PLXNA4: variants seen among roughly 807,000 people sequenced by gnomAD.
The protein encoded by PLXNA4 is plexin A4.
In PLXNA4, 44 loss-of-function variants were observed where a neutral mutation model predicts 191.8. That is an observed-to-expected ratio of 0.23 (90% CI 0.18 to 0.29). The LOEUF (loss-of-function observed/expected upper bound fraction) is 0.29, where lower values mean the gene tolerates loss of function less well. PLXNA4 is among the 10% of genes least tolerant of loss of function. PLXNA4 has a pLI of 1.00. For missense variants in PLXNA4, 1,800 were observed against 2,488.8 expected, an observed-to-expected ratio of 0.72 and a Z score of 5.89; for synonymous variants, 1,082 against 1,009.5, an observed-to-expected ratio of 1.07 and a Z score of -1.36.
chr7:132,339,090 C>T (rs1256827898), intron 3 of PLXNA4, among the ~76,000 whole-genome samples: 1 of 152,168 alleles, frequency 6.6e-6, no homozygotes, highest in East Asian at 1.9e-4. Flanking sequence ...GAGAAGGTCC[C>T]CACAAGGTCT....
chr7:132,350,605 CGCTGGGATGG>C (rs1554420888), intron 3 of PLXNA4, among the ~76,000 whole-genome samples: 1 of 152,188 alleles, frequency 6.6e-6, no homozygotes, highest in Non-Finnish European at 1.5e-5. Flanking sequence ...ATTTCCCACC[CGCTGGGATGG>C]CTAGAGTAAA....
intron 24 of PLXNA4, 90 bp downstream of exon 24, chr7:132,164,052 G>A (rs910733887): frequency 6.4e-7 from 1 of 1,559,804 alleles, no homozygotes; most frequent in Admixed American, 1.8e-5. Flanking sequence ...CAGCTGTTCA[G>A]CCTTTCAGCC....
chr7:132,636,007 C>T (rs888695241), intron 2 of PLXNA4, among the ~76,000 whole-genome samples: 3 of 152,184 alleles, frequency 2.0e-5, no homozygotes, highest in Non-Finnish European at 4.4e-5. Context: ...GAAGCCCTCT[C>T]AACAGAACTC....
At chr7:132,426,261 G>T (rs989012821) in intron 3 of PLXNA4, among the ~76,000 whole-genome samples, 19 of 152,220 alleles carry the variant, frequency 1.2e-4, no homozygotes, top group Non-Finnish European at 2.2e-4. Flanking sequence ...ATGGCCCCCG[G>T]TGATGACCCA....
chr7:132,368,628 A>T (rs1371026892), intron 3 of PLXNA4, among the ~76,000 whole-genome samples: 1 of 152,172 alleles, frequency 6.6e-6, no homozygotes, highest in Non-Finnish European at 1.5e-5. Flanking sequence ...ATGGACACAC[A>T]GGTGTGGCGC....
In PLXNA4 at chr7:132,625,976, A is replaced by G. The variant is rs1803362455; in HGVS notation, c.-87+19952T>C. 3.3e-5 allele frequency among the ~76,000 whole-genome samples: 5 copies of G among 152,328 alleles called. No individual in the cohort carries two copies. The South Asian group carries it at 1.0e-3, about 32-fold the overall frequency. On this transcript the variant is annotated intron_variant, in intron 2 of 4. Transcript: ENST00000378539. Reference sequence around the variant, plus strand: ...AGAGAAAAGATCTGAGTAGTCTGAAATAGAAGCTTTAAGCAGGTCTTCTCC... The same window carrying G: ...AGAGAAAAGATCTGAGTAGTCTGAAGTAGAAGCTTTAAGCAGGTCTTCTCC...
At chr7:132,304,866 C>T (rs1193810855) in intron 3 of PLXNA4, among the ~76,000 whole-genome samples, 1 of 151,966 alleles carries the variant, frequency 6.6e-6, no homozygotes, top group Non-Finnish European at 1.5e-5. Flanking sequence ...GTGCAGTGTG[C>T]CCCATTGCCC....
intron 5 of PLXNA4, among the ~76,000 whole-genome samples, chr7:132,239,760 C>T (rs111952614): frequency 0.011 from 1,679 of 152,340 alleles, 14 homozygotes; most frequent in African/African-American, 0.031. Flanking sequence ...CCTTTCTATA[C>T]ACTTGAGTGC....
chr7:132,235,680 A>G (rs34437840), intron 5 of PLXNA4, among the ~76,000 whole-genome samples: 61,727 of 151,916 alleles, frequency 0.41, 13,112 homozygotes, highest in East Asian at 0.69. Context: ...GCCTGGGCCA[A>G]TCGATGCGGC....
At chr7:132,365,360 T>TGTGTGCACGC in intron 3 of PLXNA4, among the ~76,000 whole-genome samples, 1 of 128,742 alleles carries the variant, frequency 7.8e-6, no homozygotes, top group African/African-American at 3.0e-5. Flanking sequence ...TGTGTGTGTG[T>TGTGTGCACGC]GCGTGCGCGC....
chr7:132,553,130 G>A (rs973426035), intron 1 of PLXNA4, among the ~76,000 whole-genome samples: 2 of 152,144 alleles, frequency 1.3e-5, no homozygotes, highest in Admixed American at 6.5e-5. Flanking sequence ...GCTCTGGCAC[G>A]GCATCCACAC....
chr7:132,143,047 T>A (rs780143078), intron 29 of PLXNA4, among the ~76,000 whole-genome samples: 5 of 151,958 alleles, frequency 3.3e-5, no homozygotes, highest in Non-Finnish European at 5.9e-5. Context: ...TTGCAGCCAC[T>A]CAGGCTAAAT....
intron 3 of PLXNA4, among the ~76,000 whole-genome samples, chr7:132,402,721 G>C (rs558363198): frequency 1.1e-3 from 166 of 152,310 alleles, no homozygotes; most frequent in African/African-American, 3.7e-3. Context: ...GATCAATCAG[G>C]TTTAACAAGG....
exon 1 of PLXNA4, chr7:132,648,686 C>A (rs934875375): frequency 6.6e-6 from 1 of 152,094 alleles, no homozygotes; most frequent in African/African-American, 2.4e-5. Context: ...GTCTGCATCT[C>A]ATGATTAGAC....
intron 3 of PLXNA4, among the ~76,000 whole-genome samples, chr7:132,466,802 CT>C (rs1198833888): frequency 6.6e-6 from 1 of 152,178 alleles, no homozygotes; most frequent in East Asian, 1.9e-4. Flanking sequence ...AGTTCTCCCC[CT>C]GTGTTCTTTT....
intron 2 of PLXNA4, among the ~76,000 whole-genome samples, chr7:132,602,471 T>C (rs1035001912): frequency 6.6e-6 from 1 of 151,762 alleles, no homozygotes; most frequent in Non-Finnish European, 1.5e-5. Flanking sequence ...TTATGGGGAG[T>C]TTCTCAGAGT....
intron 3 of PLXNA4, among the ~76,000 whole-genome samples, chr7:132,375,501 C>G (rs377286931): frequency 6.6e-6 from 1 of 152,176 alleles, no homozygotes; most frequent in South Asian, 2.1e-4. Flanking sequence ...CAAAGACAAA[C>G]TGTTGATGTT....
intron 3 of PLXNA4, among the ~76,000 whole-genome samples, chr7:132,444,503 T>A (rs1795821798): frequency 6.6e-6 from 1 of 152,218 alleles, no homozygotes; most frequent in Non-Finnish European, 1.5e-5. Context: ...AGTGCTGGGA[T>A]TACAGATGTG....
rs77361638 is a variant in PLXNA4, at chr7:132,484,148, T to G, written c.1371+5144A>C. Among the ~76,000 whole-genome samples the G allele has an allele frequency of 8.0e-4, 122 of 152,374 alleles. 2 individuals carry two copies. In the East Asian group the frequency reaches 0.023, roughly 28 times the overall value. ...CCAAGAGGATATCAACCAGCTTAGT[T>G]GCTCTTTTAGTCAACTGAGTAAAAC... On this transcript the variant is annotated intron_variant, in intron 3 of 31. Coordinates refer to ENST00000321063, the MANE Select transcript of PLXNA4 (RefSeq NM_020911.2).
Sources: allele counts gnomAD v4.1 joint callset (sites outside exome capture counted in the v4.1 genomes callset), GRCh38; gene constraint gnomAD v4.1.1; transcripts MANE v1.5; gene names NCBI Gene and HGNC (gene_info 2026-07-23, HGNC 2026-07-21).